The following LMO1 variants were observed in gnomAD, a reference collection of about 807,000 sequenced individuals.
LMO1 encodes rhombotin-1.
In LMO1, 10 loss-of-function variants were observed where a neutral mutation model predicts 18.0. The ratio of observed to expected loss-of-function variants is 0.55; its 90% confidence interval spans 0.34 to 0.94. The LOEUF (loss-of-function observed/expected upper bound fraction) is 0.94. Ranked by LOEUF, LMO1 falls within the 40% of genes least tolerant of loss-of-function variation. LMO1 has a pLI of 0.02. For missense variants in LMO1, 183 were observed against 205.7 expected (o/e 0.89, Z 0.68); for synonymous variants, 77 against 77.9 (o/e 0.99, Z 0.06).
chr11:8,263,397 G>T lies in LMO1; in HGVS notation c.-35C>A, dbSNP rs765082908. On this transcript the variant is annotated 5_prime_UTR_variant, in exon 1 of 4. Coordinates refer to ENST00000335790, the MANE Select transcript of LMO1 (RefSeq NM_002315.3). ...TCCGTGTCCAGCCGCAGCTAGGCTC[G>T]GCCGGGAGAAGGGCGCCGACTCGGG... 3 of 1,597,590 alleles carry T rather than the reference G, an allele frequency of 1.9e-6. No homozygotes were observed. The highest frequency in any genetic ancestry group is 2.6e-6 in the Non-Finnish European group (3 of 1,176,030).
intron 1 of LMO1, among the ~76,000 whole-genome samples, chr11:8,262,205 A>G (rs1388123364): frequency 6.6e-6 from 1 of 152,220 alleles, no homozygotes; most frequent in African/African-American, 2.4e-5. Flanking sequence ...TGGCCACTAC[A>G]GTCACTTTAA....
At chr11:8,238,275 T>C (rs957661506) in intron 1 of LMO1, among the ~76,000 whole-genome samples, 1 of 152,206 alleles carries the variant, frequency 6.6e-6, no homozygotes, top group African/African-American at 2.4e-5. Flanking sequence ...AATCAGACAA[T>C]ATAATATTGA....
chr11:8,242,066 C>A (rs1242285610), intron 1 of LMO1, among the ~76,000 whole-genome samples: 1 of 152,160 alleles, frequency 6.6e-6, no homozygotes, highest in Non-Finnish European at 1.5e-5. Context: ...CTTGTTGCTG[C>A]CCCTGTGCCA....
intron 1 of LMO1, among the ~76,000 whole-genome samples, chr11:8,238,454 G>T (rs905825415): frequency 6.6e-6 from 1 of 152,176 alleles, no homozygotes; most frequent in African/African-American, 2.4e-5. Flanking sequence ...GGCGGATCAT[G>T]AGGTCAAGAG....
chr11:8,225,262 A>G (rs1295468399), intron 3 of LMO1, among the ~76,000 whole-genome samples: 1 of 151,756 alleles, frequency 6.6e-6, no homozygotes, highest in African/African-American at 2.4e-5. Flanking sequence ...AAATACAAAA[A>G]AATTTAGCTG....
At chr11:8,236,557 CAGGGCTGCATGCTG>C (rs769970952) in intron 1 of LMO1, among the ~76,000 whole-genome samples, 22 of 151,952 alleles carry the variant, frequency 1.4e-4, no homozygotes, top group Non-Finnish European at 2.9e-4. Context: ...TGCTGTGCTG[CAGGGCTGCATGCTG>C]AGGGGGGCTG....
chr11:8,227,043 C>G lies in LMO1; in HGVS notation c.297G>C (p.Glu99Asp). ...CGTTGTCCCGGGCCCGCATCACCAT[C>G]TCGAAGGCTGGGATCAGCTTGCTGC... ...AACSKLIPAF[E>D]MVMRARDNVY... Residue 99 changes from glutamate (E) to aspartate (D), a missense_variant, in exon 3 of 4, where the codon GAG becomes GAC. Transcript: ENST00000335790. 6.2e-7 allele frequency: 1 copy of G among 1,614,004 alleles called. No individual in the cohort carries two copies. The highest frequency in any genetic ancestry group is 8.5e-7 in the Non-Finnish European group (1 of 1,179,898).
chr11:8,239,862 A>G (rs1846755242), intron 1 of LMO1, among the ~76,000 whole-genome samples: 1 of 152,226 alleles, frequency 6.6e-6, no homozygotes, highest in African/African-American at 2.4e-5. Flanking sequence ...TGCAGCCACC[A>G]TAGTCATGTT....
intron 1 of LMO1, among the ~76,000 whole-genome samples, chr11:8,258,137 T>C (rs952462307): frequency 1.1e-4 from 17 of 152,194 alleles, no homozygotes; most frequent in African/African-American, 4.1e-4. Flanking sequence ...AGTGCAATGA[T>C]AGAGGTGGCA....
At chr11:8,226,915 C>G (rs937582707) in intron 3 of LMO1, 60 bp downstream of exon 3, 8 of 1,559,100 alleles carry the variant, frequency 5.1e-6, no homozygotes, top group Non-Finnish European at 7.0e-6. Flanking sequence ...CCTGGCCCAT[C>G]CCAGCAGGCC....
At chr11:8,238,606 G>A (rs181262064) in intron 1 of LMO1, among the ~76,000 whole-genome samples, 38 of 150,532 alleles carry the variant, frequency 2.5e-4, no homozygotes, top group African/African-American at 9.3e-4. Flanking sequence ...GGGAGGCAGA[G>A]GTTGCAGTGA....
chr11:8,226,409 A>T lies in LMO1; in HGVS notation c.365+566T>A, dbSNP rs149245821. Among the ~76,000 whole-genome samples, 754 of 152,310 alleles carry T rather than the reference A, an allele frequency of 5.0e-3. 4 individuals carry two copies. The highest frequency in any genetic ancestry group is 0.017 in the African/African-American group (727 of 41,554). Reference sequence around the variant, plus strand: ...ACGCCTGTAGTCCCAGCTACTTGGGAGGTTGAGGCAGGAGAATCACTTGAA... The same window carrying T: ...ACGCCTGTAGTCCCAGCTACTTGGGTGGTTGAGGCAGGAGAATCACTTGAA... On this transcript the variant is annotated intron_variant, in intron 3 of 3. Transcript: ENST00000335790.
At chr11:8,250,054 T>A (rs75223370) in intron 1 of LMO1, among the ~76,000 whole-genome samples, 4 of 149,740 alleles carry the variant, frequency 2.7e-5, no homozygotes, top group South Asian at 2.1e-4. Flanking sequence ...ATTTTTTTTT[T>A]ATTTTTGTGG....
intron 1 of LMO1, among the ~76,000 whole-genome samples, chr11:8,233,098 AC>A (rs1305973245): frequency 6.6e-6 from 1 of 152,038 alleles, no homozygotes; most frequent in Non-Finnish European, 1.5e-5. Context: ...TTACCTTAAG[AC>A]CTGGACACCC....
chr11:8,224,831 TG>T, intron 3 of LMO1, 110 bp from the exon 4 acceptor site: 2 of 701,210 alleles, frequency 2.9e-6, no homozygotes, highest in Non-Finnish European at 5.0e-6. Context: ...TGGGAGGTGG[TG>T]GGGGGAGTTT....
intron 1 of LMO1, among the ~76,000 whole-genome samples, chr11:8,235,165 C>T (rs1262504849): frequency 2.0e-5 from 3 of 152,224 alleles, no homozygotes; most frequent in African/African-American, 2.4e-5. Context: ...CATCCCTGCT[C>T]GGGCACTTGC....
At chr11:8,228,903 T>G (rs1490175121) in intron 2 of LMO1, among the ~76,000 whole-genome samples, 1 of 152,126 alleles carries the variant, frequency 6.6e-6, no homozygotes, top group Non-Finnish European at 1.5e-5. Flanking sequence ...TCTTTTCTTT[T>G]TTGAGACAGG....
At chr11:8,253,640 C>T (rs1007306140) in intron 1 of LMO1, among the ~76,000 whole-genome samples, 4 of 152,150 alleles carry the variant, frequency 2.6e-5, no homozygotes, top group African/African-American at 9.6e-5. Context: ...TTTTAAAGAT[C>T]GAGGGGAGAG....
At chr11:8,249,339 A>T (rs938774053) in intron 1 of LMO1, among the ~76,000 whole-genome samples, 49 of 152,144 alleles carry the variant, frequency 3.2e-4, no homozygotes, top group Non-Finnish European at 7.2e-4. Flanking sequence ...ATAAAGCTGA[A>T]AAAGAACCCC....
Sources: gnomAD v4.1 joint callset for allele counts (sites outside exome capture counted in the v4.1 genomes callset) on GRCh38, gnomAD v4.1.1 for gene constraint, MANE v1.5 for transcripts, NCBI Gene and HGNC (gene_info 2026-07-23, HGNC 2026-07-21) for gene names.